Variants in WDR48 observed in about 807,000 individuals in gnomAD.
WDR48 encodes WD repeat-containing protein 48.
In WDR48, 22 loss-of-function variants were observed where a neutral mutation model predicts 94.0. The ratio of observed to expected loss-of-function variants is 0.23; its 90% CI spans 0.17 to 0.33. The LOEUF is 0.33. WDR48 is among the 10% of genes least tolerant of loss of function. The probability of loss-of-function intolerance (pLI) is 1.00; values close to 1 mark genes in which losing one functional copy is unlikely to be tolerated. For synonymous variants in WDR48, 278 were observed against 280.5 expected, an observed-to-expected ratio of 0.99 and a Z score of 0.09; for missense variants, 541 against 813.8, an observed-to-expected ratio of 0.66 and a Z score of 4.08.
chr3:39,093,838 T>C, intron 17 of WDR48, 36 bp from the exon 18 acceptor site: 1 of 1,475,520 alleles, frequency 6.8e-7, no homozygotes. Flanking sequence ...TCTAGTGATT[T>C]CCCTGATGTC....
intron 16 of WDR48, 64 bp from the exon 17 acceptor site, chr3:39,091,561 T>A: frequency 8.2e-7 from 1 of 1,221,534 alleles, no homozygotes; most frequent in Non-Finnish European, 1.1e-6. Context: ...GTTTTCCTAT[T>A]AACATTATTT....
chr3:39,093,893 G>A lies in WDR48; in HGVS notation c.1765G>A (p.Asp589Asn). The A allele has an allele frequency of 6.2e-7, 1 of 1,610,108 alleles. No individual in the cohort carries two copies. The highest frequency in any genetic ancestry group is 8.5e-7 in the Non-Finnish European group (1 of 1,178,684). ...TLKKDRLSAS[D>N]MLQVRKVMEH... ...TTACAGAGATAGACTCTCTGCTAGT[G>A]ACATGCTCCAAGTCCGAAAAGTTAT... is the stretch of plus-strand genomic sequence containing the variant. Residue 589 changes from aspartate (D) to asparagine (N), a missense_variant, in exon 18 of 19, where the codon GAC becomes AAC. This residue lies in a region of WDR48 where 109 missense variants were observed against 195.5 expected (regional missense o/e 0.56). Transcript: ENST00000302313.
At position 39,074,710 on chromosome 3, in the gene WDR48, C is replaced by G. The variant is rs767381237; in HGVS notation, c.673-16C>G. 6.2e-7 allele frequency: 1 copy of G among 1,613,090 alleles called. No homozygotes were observed. The highest frequency in any genetic ancestry group is 8.5e-7 in the Non-Finnish European group (1 of 1,179,224). ...ACTTTGTGGCAAGTTCTAACTTTGC[C>G]TTTCTTTGTTTGCAGTGCCTGTCAG... On this transcript the variant is annotated splice_polypyrimidine_tract_variant and intron_variant, in intron 7 of 18. Coordinates refer to ENST00000302313, the MANE Select transcript of WDR48 (RefSeq NM_020839.4).
At chr3:39,065,764 A>C in intron 2 of WDR48, 47 bp from the exon 3 acceptor site, 281 of 1,216,882 alleles carry the variant, frequency 2.3e-4, no homozygotes, top group Non-Finnish European at 3.0e-4. Context: ...TTTGTAATAT[A>C]TTTCATTCTC....
chr3:39,094,372 G>A (rs2035234431), intron 18 of WDR48: 1 of 1,460,744 alleles, frequency 6.8e-7, no homozygotes, highest in South Asian at 1.4e-5. Context: ...CGGAGAAATG[G>A]CAGAACTGTT....
intron 15 of WDR48, among the ~76,000 whole-genome samples, 166 bp from the exon 16 acceptor site, chr3:39,089,065 T>G (rs1357276899): frequency 6.6e-6 from 1 of 152,200 alleles, no homozygotes; most frequent in Non-Finnish European, 1.5e-5. Flanking sequence ...GCTTTCCCTT[T>G]TAGCTGAGTG....
intron 5 of WDR48, among the ~76,000 whole-genome samples, chr3:39,068,458 A>G (rs1391739350): frequency 1.3e-5 from 2 of 152,208 alleles, no homozygotes; most frequent in Admixed American, 6.5e-5. Flanking sequence ...TTGTGTTTGA[A>G]AAATACTGAA....
At chr3:39,072,498 T>A (rs1331145536) in intron 7 of WDR48, among the ~76,000 whole-genome samples, 1 of 152,184 alleles carries the variant, frequency 6.6e-6, no homozygotes, top group Non-Finnish European at 1.5e-5. Flanking sequence ...CTTGAGATTG[T>A]GTGTTAGTGA....
chr3:39,076,637 ATATTCT>A (rs2034239360), intron 8 of WDR48, among the ~76,000 whole-genome samples: 1 of 152,198 alleles, frequency 6.6e-6, no homozygotes, highest in African/African-American at 2.4e-5. Flanking sequence ...GCACATAAAC[ATATTCT>A]TATATGTGCA....
chr3:39,053,811 G>A (rs920758331), intron 1 of WDR48, among the ~76,000 whole-genome samples: 20 of 152,172 alleles, frequency 1.3e-4, no homozygotes, highest in African/African-American at 3.6e-4. Flanking sequence ...AACTGCAGCA[G>A]GTTTGGAAAA....
intron 1 of WDR48, among the ~76,000 whole-genome samples, chr3:39,056,004 C>G (rs1393654852): frequency 6.6e-6 from 1 of 152,212 alleles, no homozygotes; most frequent in Non-Finnish European, 1.5e-5. Flanking sequence ...AGAATTAAAT[C>G]CATTTTCCTC....
intron 1 of WDR48, 127 bp downstream of exon 1, chr3:39,052,200 C>T: frequency 1.7e-6 from 2 of 1,179,782 alleles, no homozygotes; most frequent in South Asian, 1.4e-5. Flanking sequence ...GGGGCGCGGC[C>T]GGCCACGAGG....
At chr3:39,064,308 C>G (rs983198321) in intron 2 of WDR48, among the ~76,000 whole-genome samples, 3 of 147,458 alleles carry the variant, frequency 2.0e-5, no homozygotes, top group Non-Finnish European at 4.4e-5. Context: ...GAGTCTCGCT[C>G]TGTCACCCAG....
chr3:39,074,040 C>G lies in WDR48; in HGVS notation c.673-686C>G, dbSNP rs563058698. On this transcript the variant is annotated intron_variant, in intron 7 of 18. Coordinates refer to ENST00000302313, the MANE Select transcript of WDR48 (RefSeq NM_020839.4). ...CAACAGAGTTTCTGCCTTGTTAGCT[C>G]TGAATGAGACCCAATAATTTATATT... Among the ~76,000 whole-genome samples, 27 of 152,346 alleles carry G rather than the reference C, an allele frequency of 1.8e-4. No individual in the cohort carries two copies. The South Asian group carries it at 4.6e-3, about 26-fold the overall frequency.
chr3:39,086,467 G>T (rs2034814167), intron 14 of WDR48: 2 of 152,208 alleles, frequency 1.3e-5, no homozygotes, highest in South Asian at 4.1e-4. Context: ...CTCACATGAG[G>T]ATGACATGCT....
At chr3:39,092,876 T>TACACACACACACACACACAC (rs3033301) in intron 17 of WDR48, among the ~76,000 whole-genome samples, 15 of 146,068 alleles carry the variant, frequency 1.0e-4, no homozygotes, top group African/African-American at 3.3e-4. Context: ...CATCTCTGTC[T>TACACACACACACACACACAC]ACACACACAC....
chr3:39,052,631 G>A (rs2032528699), intron 1 of WDR48: 1 of 152,688 alleles, frequency 6.5e-6, no homozygotes, highest in Admixed American at 6.5e-5. Flanking sequence ...GAATGTGCGT[G>A]GGGAAATTAT....
chr3:39,065,764 A>G (rs1330751003), intron 2 of WDR48, 47 bp from the exon 3 acceptor site: 3 of 1,217,188 alleles, frequency 2.5e-6, no homozygotes, highest in Non-Finnish European at 3.5e-6. Context: ...TTTGTAATAT[A>G]TTTCATTCTC....
chr3:39,063,100 C>T lies in WDR48; in HGVS notation c.99C>T (p.Val33=). The change falls in exon 2 of 19, where the codon GTC becomes GTT. Residue 33 remains valine (V), a synonymous_variant. Coordinates refer to ENST00000302313, the MANE Select transcript of WDR48 (RefSeq NM_020839.4). ...TGGAGAAGTACAACCGAAATGGAGTCAATGCTCTGCAGCTGGATCCAGCAC... is the reference window on the plus strand; with the variant it reads ...TGGAGAAGTACAACCGAAATGGAGTTAATGCTCTGCAGCTGGATCCAGCAC... ...DEVEKYNRNG[V]NALQLDPALN... 1 of 1,614,072 alleles carries T rather than the reference C, an allele frequency of 6.2e-7. No homozygotes were observed. The highest frequency in any genetic ancestry group is 8.5e-7 in the Non-Finnish European group (1 of 1,179,978).
Sources: gnomAD v4.1 joint callset for allele counts (sites outside exome capture counted in the v4.1 genomes callset) on GRCh38, gnomAD v4.1.1 for gene constraint, gnomAD v4.1.1 regional missense constraint, MANE v1.5 for transcripts, NCBI Gene and HGNC (gene_info 2026-07-23, HGNC 2026-07-21) for gene names.